Variants in SPIDR observed in about 807,000 individuals in gnomAD.
The protein encoded by SPIDR is DNA repair-scaffolding protein.
A neutral mutation model predicts 104.6 loss-of-function variants in SPIDR; 93 were observed. That is an observed-to-expected ratio of 0.89 (90% CI 0.75 to 1.06). The LOEUF (loss-of-function observed/expected upper bound fraction) is 1.06. Ranked by LOEUF, SPIDR falls within the 50% of genes least tolerant of loss-of-function variation. The probability of loss-of-function intolerance (pLI) is 0.00; values close to 1 mark genes in which losing one functional copy is unlikely to be tolerated. For synonymous variants in SPIDR, 431 were observed against 416.9 expected (o/e 1.03, Z -0.41); for missense variants, 1,154 against 1,111.2 (o/e 1.04, Z -0.55).
intron 8 of SPIDR, among the ~76,000 whole-genome samples, chr8:47,509,866 C>G (rs949099043): frequency 2.6e-5 from 4 of 152,040 alleles, no homozygotes; most frequent in African/African-American, 9.7e-5. Context: ...CTCACACATA[C>G]GTGACACACA....
At chr8:47,563,313 G>C (rs1157475696) in intron 8 of SPIDR, among the ~76,000 whole-genome samples, 1 of 152,018 alleles carries the variant, frequency 6.6e-6, no homozygotes, top group Non-Finnish European at 1.5e-5. Flanking sequence ...GAGATTACCA[G>C]CGTGCACCAT....
intron 3 of SPIDR, among the ~76,000 whole-genome samples, chr8:47,289,487 T>G (rs2154235956): frequency 6.6e-6 from 1 of 152,350 alleles, no homozygotes; most frequent in Non-Finnish European, 1.5e-5. Context: ...TAGGTATATA[T>G]TCCTTTTCTG....
intron 8 of SPIDR, among the ~76,000 whole-genome samples, chr8:47,543,542 G>A (rs2088658870): frequency 6.6e-6 from 1 of 152,170 alleles, no homozygotes. Context: ...AGAGAGGAAA[G>A]CCTAACACAG....
chr8:47,431,051 C>T (rs2067273883), intron 7 of SPIDR, among the ~76,000 whole-genome samples: 1 of 152,306 alleles, frequency 6.6e-6, no homozygotes, highest in South Asian at 2.1e-4. Flanking sequence ...CAGACTGTGA[C>T]GTAAAGAGCA....
At chr8:47,461,050 T>C (rs2073850524) in intron 8 of SPIDR, among the ~76,000 whole-genome samples, 1 of 152,188 alleles carries the variant, frequency 6.6e-6, no homozygotes, top group Admixed American at 6.5e-5. Context: ...TCAGTTTTTC[T>C]TTTTAGGTTA....
At chr8:47,333,268 TAAG>T (rs1363576981) in intron 5 of SPIDR, among the ~76,000 whole-genome samples, 1 of 152,084 alleles carries the variant, frequency 6.6e-6, no homozygotes, top group Non-Finnish European at 1.5e-5. Context: ...ACAGTTAACT[TAAG>T]AAAAATAAGT....
chr8:47,274,865 C>T (rs887405949), intron 1 of SPIDR, among the ~76,000 whole-genome samples: 1 of 151,420 alleles, frequency 6.6e-6, no homozygotes. Context: ...TGAGCCACCG[C>T]GCCCGGCCTA....
rs1588630706 is a variant in SPIDR, at chr8:47,633,736, G to T, written c.1544+34540G>T. On this transcript the variant is annotated intron_variant, in intron 10 of 19. Coordinates refer to ENST00000297423, the MANE Select transcript of SPIDR (RefSeq NM_001080394.4). Reference sequence around the variant, plus strand: ...CATCACCCTCAGTTAATGTTTATTAGGTATACTCAAAGTACAGGGCAGTAT... The same window carrying T: ...CATCACCCTCAGTTAATGTTTATTATGTATACTCAAAGTACAGGGCAGTAT... Among the ~76,000 whole-genome samples, 3 of 152,022 alleles carry T rather than the reference G, an allele frequency of 2.0e-5. No homozygotes were observed. In the Middle Eastern group the frequency reaches 0.01, roughly 517 times the overall value.
chr8:47,538,404 T>C (rs900986900), intron 8 of SPIDR, among the ~76,000 whole-genome samples: 1 of 150,306 alleles, frequency 6.7e-6, no homozygotes, highest in Non-Finnish European at 1.5e-5. Context: ...TTAGCTAGGG[T>C]GTGGTGGTAG....
chr8:47,323,917 CATTT>C lies in SPIDR; in HGVS notation c.525+29890_525+29893del, dbSNP rs530760394. On this transcript the variant is annotated intron_variant, in intron 5 of 19. Transcript: ENST00000297423. ...TCTTGATTGGAAACTATTAGTTAAA[CATTT>C]ATAAGAAATAATACTGTAACTTTTG... 2.5e-3 allele frequency among the ~76,000 whole-genome samples: 381 copies of C among 152,260 alleles called. 2 individuals are homozygous for C. Among genetic ancestry groups the C allele is most frequent in the Non-Finnish European group, 3.3e-3 (224 of 68,016 alleles).
intron 11 of SPIDR, among the ~76,000 whole-genome samples, chr8:47,691,889 C>T (rs551712747): frequency 6.1e-4 from 93 of 152,314 alleles, no homozygotes; most frequent in African/African-American, 2.2e-3. Flanking sequence ...TGGGCTCGCT[C>T]CCAACCCTGT....
At chr8:47,578,815 T>C (rs2059410672) in intron 8 of SPIDR, among the ~76,000 whole-genome samples, 1 of 152,248 alleles carries the variant, frequency 6.6e-6, no homozygotes, top group Non-Finnish European at 1.5e-5. Context: ...ACTTGGGGAA[T>C]TTTAAAGTAG....
intron 8 of SPIDR, among the ~76,000 whole-genome samples, chr8:47,465,974 C>T (rs116985119): frequency 1.2e-3 from 190 of 152,112 alleles, no homozygotes; most frequent in Middle Eastern, 6.8e-3. Flanking sequence ...GAAGACATAA[C>T]TCCCCTAAAT....
rs1460670233 is a variant in SPIDR, at chr8:47,292,035, A to T, written c.361+898A>T. ...TCACAGTAGAATCCCAGCCACAGTG[A>T]TGATAACCAAAGATGTCTCCAGATG... is the stretch of plus-strand genomic sequence containing the variant. On this transcript the variant is annotated intron_variant, in intron 4 of 19. Transcript: ENST00000297423. Among the ~76,000 whole-genome samples, 4 of 152,240 alleles carry T rather than the reference A, an allele frequency of 2.6e-5. No individual in the cohort carries two copies. The East Asian group carries it at 7.7e-4, about 29-fold the overall frequency.
chr8:47,402,564 G>A lies in SPIDR; in HGVS notation c.777-5297G>A, dbSNP rs576427498. ...GAAACACAAACTACCATCAGAGAAT[G>A]CTATAAACACCTCTACGCAAATAAA... On this transcript the variant is annotated intron_variant, in intron 6 of 19. Transcript: ENST00000297423. Among the ~76,000 whole-genome samples, 60 of 152,174 alleles carry A rather than the reference G, an allele frequency of 3.9e-4. 2 individuals are homozygous for A. In the South Asian group the frequency reaches 0.012, roughly 31 times the overall value.
intron 5 of SPIDR, among the ~76,000 whole-genome samples, chr8:47,314,920 A>G (rs1173558755): frequency 6.6e-6 from 1 of 152,208 alleles, no homozygotes; most frequent in Non-Finnish European, 1.5e-5. Context: ...ATAATGACAC[A>G]GATAGATTGA....
intron 8 of SPIDR, among the ~76,000 whole-genome samples, chr8:47,441,083 A>G (rs2069328841): frequency 6.6e-6 from 1 of 152,192 alleles, no homozygotes; most frequent in South Asian, 2.1e-4. Context: ...CTTTTGAGGA[A>G]AAGTTTGAGC....
chr8:47,510,696 G>A (rs2082185818), intron 8 of SPIDR, among the ~76,000 whole-genome samples: 1 of 152,048 alleles, frequency 6.6e-6, no homozygotes, highest in African/African-American at 2.4e-5. Context: ...GTGAAAAATT[G>A]TATAAGAATT....
chr8:47,620,044 C>T (rs1180866311), intron 10 of SPIDR, among the ~76,000 whole-genome samples: 1 of 152,150 alleles, frequency 6.6e-6, no homozygotes, highest in African/African-American at 2.4e-5. Context: ...AGGATGTATT[C>T]ATACACATGC....
Sources: allele counts gnomAD v4.1 joint callset (sites outside exome capture counted in the v4.1 genomes callset), GRCh38; gene constraint gnomAD v4.1.1; transcripts MANE v1.5; gene names NCBI Gene and HGNC (gene_info 2026-07-23, HGNC 2026-07-21).